Variants in RNF24 observed in about 807,000 individuals in gnomAD.
RNF24 encodes ring finger protein 24.
Under a neutral mutation model 20.0 loss-of-function variants are expected in RNF24, and 14 were observed. The ratio of observed to expected loss-of-function variants is 0.70; its 90% CI spans 0.46 to 1.10. The LOEUF is 1.10. Among genes scored for constraint, RNF24 ranks in the 50% least tolerant of loss-of-function variants. RNF24 has a pLI of 0.00. For missense variants in RNF24, 124 were observed against 177.6 expected, an observed-to-expected ratio of 0.70 and a Z score of 1.71; for synonymous variants, 45 against 61.1, an observed-to-expected ratio of 0.74 and a Z score of 1.23.
chr20:3,946,183 G>A (rs1192314405), intron 3 of RNF24, among the ~76,000 whole-genome samples: 1 of 151,994 alleles, frequency 6.6e-6, no homozygotes, highest in Non-Finnish European at 1.5e-5. Context: ...ATTATAATAC[G>A]TGGCCAGGCA....
intron 2 of RNF24, among the ~76,000 whole-genome samples, chr20:3,960,216 A>C (rs1479689688): frequency 6.6e-6 from 1 of 152,150 alleles, no homozygotes; most frequent in Non-Finnish European, 1.5e-5. Context: ...TGGAGAGCTT[A>C]GGTTATCATA....
rs1431986418 is a variant in RNF24, at chr20:3,928,007, T to C, written c.*6056A>G. The C allele has an allele frequency of 6.6e-6, 1 of 152,202 alleles. No individual in the cohort carries two copies. Among genetic ancestry groups the C allele is most frequent in the African/African-American group, 2.4e-5 (1 of 41,442 alleles). 9.4% of individuals were successfully genotyped at this position (152,202 alleles called of 1,614,324 possible). A position where few individuals can be genotyped will look rare whatever the true frequency, so the allele number is the denominator to read the frequency against. Reference sequence around the variant, plus strand: ...TTTACTACACAAGCCCCTCTTTTTCTTCTGATATCCCCACTCAAATGGAAG... The same window carrying C: ...TTTACTACACAAGCCCCTCTTTTTCCTCTGATATCCCCACTCAAATGGAAG... On this transcript the variant is annotated 3_prime_UTR_variant, in exon 6 of 6. Transcript: ENST00000358395.
At chr20:3,967,973 CAAAAAAA>C (rs58984163) in intron 1 of RNF24, among the ~76,000 whole-genome samples, 99 of 77,166 alleles carry the variant, frequency 1.3e-3, no homozygotes, top group Non-Finnish European at 2.0e-3. Context: ...AGCCTGGCAA[CAAAAAAA>C]AAAAAAAAAA....
At chr20:3,956,749 G>C (rs895626788) in intron 2 of RNF24, among the ~76,000 whole-genome samples, 1 of 152,070 alleles carries the variant, frequency 6.6e-6, no homozygotes, top group Non-Finnish European at 1.5e-5. Context: ...TTTCTCATAA[G>C]TTTATTAATT....
intron 1 of RNF24, among the ~76,000 whole-genome samples, chr20:4,007,407 GTA>G (rs768201068): frequency 1.2e-4 from 18 of 152,028 alleles, no homozygotes; most frequent in Non-Finnish European, 2.5e-4. Context: ...CAGCTAGCTA[GTA>G]GATGAAAAGA....
intron 2 of RNF24, among the ~76,000 whole-genome samples, chr20:3,955,489 A>T (rs1237568005): frequency 1.3e-5 from 2 of 152,102 alleles, no homozygotes; most frequent in Non-Finnish European, 2.9e-5. Context: ...TTATTGGTTT[A>T]TATGTCTATC....
At position 3,929,225 on chromosome 20, in the gene RNF24, C is replaced by T. The variant is rs1296481502; in HGVS notation, c.*4838G>A. 1 of 152,202 alleles carries T rather than the reference C, an allele frequency of 6.6e-6. No homozygotes were observed. Among genetic ancestry groups the T allele is most frequent in the Non-Finnish European group, 1.5e-5 (1 of 68,072 alleles). 9.4% of individuals were successfully genotyped at this position (152,202 alleles called of 1,614,324 possible). On this transcript the variant is annotated 3_prime_UTR_variant, in exon 6 of 6. Transcript: ENST00000358395. ...GCCTGGGCAACATAGTGAGTTGAGA[C>T]CTGTCTCTACAAAAAAATAATTACG...
At chr20:3,956,461 A>T (rs988309610) in intron 2 of RNF24, among the ~76,000 whole-genome samples, 1 of 151,572 alleles carries the variant, frequency 6.6e-6, no homozygotes, top group Non-Finnish European at 1.5e-5. Flanking sequence ...ATATTTTAGT[A>T]AATTATATTT....
intron 1 of RNF24, among the ~76,000 whole-genome samples, chr20:4,001,805 G>A (rs1343708715): frequency 1.3e-5 from 2 of 151,982 alleles, no homozygotes; most frequent in Non-Finnish European, 2.9e-5. Flanking sequence ...ATAAACAGCT[G>A]GGCATGGTGA....
intron 1 of RNF24, among the ~76,000 whole-genome samples, chr20:3,996,989 G>T (rs1474953431): frequency 3.9e-5 from 6 of 151,970 alleles, no homozygotes; most frequent in African/African-American, 1.5e-4. Context: ...GAGAGGCCGA[G>T]GCAGGCGGAT....
In RNF24 at chr20:3,934,094, C is replaced by A; in HGVS notation, c.416G>T (p.Gly139Val). ...AATGTTCTCTGCCCCAGGAAGGGGC[C>A]CCTGAGGGGGTCCACGGTCCTGCTT... Reference protein sequence around the residue: ...HSKQDRGPPQGPLPGAENIV With the variant: ...HSKQDRGPPQVPLPGAENIV The change falls in exon 6 of 6, where the codon GGG (glycine) becomes GTG (valine). Residue 139 changes from glycine to valine, a missense_variant. Coordinates refer to ENST00000358395, the MANE Select transcript of RNF24 (RefSeq NM_001134337.3). The surrounding 1 kb of genome is among the most constrained non-coding windows in gnomAD (Gnocchi z 4.0). 1 of 1,528,792 alleles carries A rather than the reference C, an allele frequency of 6.5e-7. No individual in the cohort carries two copies. The highest frequency in any genetic ancestry group is 8.8e-7 in the Non-Finnish European group (1 of 1,140,374). The allele number at this position is 1,528,792 out of a possible 1,614,324, so 94.7% of individuals were successfully genotyped here.
intron 1 of RNF24, among the ~76,000 whole-genome samples, chr20:3,978,183 GTGT>G (rs1979053470): frequency 6.6e-6 from 1 of 151,078 alleles, no homozygotes; most frequent in Admixed American, 6.6e-5. Flanking sequence ...GATTACAGGT[GTGT>G]GCCACCATAC....
intron 1 of RNF24, among the ~76,000 whole-genome samples, chr20:3,994,755 A>G (rs17215529): frequency 0.15 from 22,472 of 152,164 alleles, 1,781 homozygotes; most frequent in Non-Finnish European, 0.17. Context: ...TCTAGATTGA[A>G]CACATTAATT....
At chr20:3,964,139 CAA>C (rs1468272246) in intron 1 of RNF24, 115 bp from the exon 2 acceptor site, 5 of 767,556 alleles carry the variant, frequency 6.5e-6, no homozygotes, top group Non-Finnish European at 1.0e-5. Flanking sequence ...ATATGGTAGA[CAA>C]AGTGTTAATA....
intron 4 of RNF24, among the ~76,000 whole-genome samples, chr20:3,940,217 C>T (rs1272625459): frequency 6.6e-6 from 1 of 151,988 alleles, no homozygotes; most frequent in Non-Finnish European, 1.5e-5. Flanking sequence ...CTTGGTCTCC[C>T]AAAGTGTTAA....
At chr20:3,970,378 G>T (rs2091302660) in intron 1 of RNF24, among the ~76,000 whole-genome samples, 1 of 151,944 alleles carries the variant, frequency 6.6e-6, no homozygotes, top group South Asian at 2.1e-4. Context: ...AACACATCAG[G>T]TTTAAAAAAA....
chr20:3,983,982 G>C (rs1050751581), intron 1 of RNF24, among the ~76,000 whole-genome samples: 1 of 149,924 alleles, frequency 6.7e-6, no homozygotes, highest in Non-Finnish European at 1.5e-5. Context: ...AAAAAGTCTG[G>C]GCACAGTGGC....
chr20:3,985,315 C>G (rs1397829035), intron 1 of RNF24, among the ~76,000 whole-genome samples: 2 of 152,170 alleles, frequency 1.3e-5, no homozygotes, highest in East Asian at 3.8e-4. Context: ...ACTTGAACTC[C>G]TGAGCACCAG....
At chr20:4,001,065 G>A (rs1422568581) in intron 1 of RNF24, among the ~76,000 whole-genome samples, 2 of 151,998 alleles carry the variant, frequency 1.3e-5, no homozygotes, top group African/African-American at 2.4e-5. Context: ...TCAGGAGTTC[G>A]AGACCAGCCT....
Sources: gnomAD v4.1 joint callset for allele counts (sites outside exome capture counted in the v4.1 genomes callset) on GRCh38, gnomAD v4.1.1 for gene constraint, Gnocchi (gnomAD v3.1) non-coding constraint, MANE v1.5 for transcripts, NCBI Gene and HGNC (gene_info 2026-07-23, HGNC 2026-07-21) for gene names.